The following CMSS1 variants were observed in gnomAD, a reference collection of about 807,000 sequenced individuals.
CMSS1 encodes protein CMSS1.
In CMSS1, 33 loss-of-function variants were observed where a neutral mutation model predicts 43.5. That is an observed-to-expected ratio of 0.76 (90% CI 0.57 to 1.01). The LOEUF is 1.01. CMSS1 is among the 50% of genes least tolerant of loss of function. The pLI is 0.00. For missense variants in CMSS1, 313 were observed against 326.4 expected (o/e 0.96, Z 0.32); for synonymous variants, 115 against 117.2 (o/e 0.98, Z 0.12).
chr3:100,013,987 C>T (rs922355519), intron 1 of CMSS1, among the ~76,000 whole-genome samples: 3 of 152,068 alleles, frequency 2.0e-5, no homozygotes, highest in African/African-American at 7.2e-5. Flanking sequence ...TCCCACTGCC[C>T]CTTGCTCCTG....
chr3:99,849,071 T>C (rs750325993), intron 1 of CMSS1: 2 of 1,614,050 alleles, frequency 1.2e-6, no homozygotes, highest in Non-Finnish European at 1.7e-6. Context: ...TGGCCCTCCT[T>C]GGATTTCATC....
chr3:100,066,657 A>G (rs2065670205), intron 1 of CMSS1, among the ~76,000 whole-genome samples: 1 of 126,408 alleles, frequency 7.9e-6, no homozygotes, highest in Non-Finnish European at 1.7e-5. Context: ...TCAGCCTCCC[A>G]AGTAGCTGGG....
At position 99,924,476 on chromosome 3, in the gene CMSS1, A is replaced by C. The variant is rs1226878532; in HGVS notation, c.64+106433A>C. 2.1e-6 allele frequency: 3 copies of C among 1,445,228 alleles called. No homozygotes were observed. In the East Asian group the frequency reaches 6.8e-5, roughly 33 times the overall value. The allele number at this position is 1,445,228 out of a possible 1,614,324, so 89.5% of individuals were successfully genotyped here. A position where few individuals can be genotyped will look rare whatever the true frequency, so the allele number is the denominator to read the frequency against. On this transcript the variant is annotated intron_variant, in intron 1 of 9. Transcript: ENST00000421999. ...ATACTGTTGTCTTTCACTCTTTTAG[A>C]AATGTCCCTGTTTTGATTAATTCGG...
intron 1 of CMSS1, among the ~76,000 whole-genome samples, chr3:99,990,398 T>C (rs1709477565): frequency 6.6e-6 from 1 of 152,214 alleles, no homozygotes; most frequent in Admixed American, 6.5e-5. Context: ...GAGAGCCCTA[T>C]GCCCTTAGGC....
intron 1 of CMSS1, among the ~76,000 whole-genome samples, chr3:100,139,820 C>G (rs918142060): frequency 2.7e-5 from 4 of 150,116 alleles, no homozygotes; most frequent in Admixed American, 2.7e-4. Context: ...AAAATCCAGC[C>G]AGGACAAGTT....
intron 1 of CMSS1, among the ~76,000 whole-genome samples, chr3:99,938,088 C>T (rs1244840545): frequency 1.3e-5 from 2 of 151,380 alleles, no homozygotes; most frequent in Non-Finnish European, 3.0e-5. Context: ...CGCGCGCGCG[C>T]GCGTGCATGC....
intron 1 of CMSS1, chr3:100,023,371 A>G (rs952395192): frequency 6.6e-6 from 1 of 152,636 alleles, no homozygotes; most frequent in African/African-American, 2.4e-5. Context: ...GATGGCAGCC[A>G]TTGGCACACA....
At chr3:99,952,327 G>C (rs1263419020) in intron 1 of CMSS1, among the ~76,000 whole-genome samples, 1 of 152,144 alleles carries the variant, frequency 6.6e-6, no homozygotes, top group Admixed American at 6.5e-5. Context: ...TTCATAATGA[G>C]CAAATTATCA....
chr3:99,980,421 T>C (rs964956304), intron 1 of CMSS1, among the ~76,000 whole-genome samples: 1 of 152,194 alleles, frequency 6.6e-6, no homozygotes, highest in Non-Finnish European at 1.5e-5. Flanking sequence ...GTTAGGTAAC[T>C]GCCCCATCAA....
intron 1 of CMSS1, among the ~76,000 whole-genome samples, chr3:99,943,279 G>A (rs1051466314): frequency 1.3e-5 from 2 of 152,118 alleles, no homozygotes; most frequent in Admixed American, 6.5e-5. Context: ...GAGGTTTGAA[G>A]ACATTTCCAA....
intron 1 of CMSS1, among the ~76,000 whole-genome samples, chr3:100,016,958 T>C (rs1261777986): frequency 6.6e-6 from 1 of 152,244 alleles, no homozygotes; most frequent in Non-Finnish European, 1.5e-5. Flanking sequence ...TGAATCATTT[T>C]ATATTTACAT....
intron 1 of CMSS1, among the ~76,000 whole-genome samples, chr3:100,141,964 A>G (rs930268969): frequency 4.6e-5 from 7 of 152,136 alleles, no homozygotes; most frequent in African/African-American, 1.7e-4. Flanking sequence ...TTCTTTCAAT[A>G]TTCTCTTAAT....
At chr3:100,139,529 ATGT>A (rs1402146729) in intron 1 of CMSS1, among the ~76,000 whole-genome samples, 2 of 129,296 alleles carry the variant, frequency 1.5e-5, no homozygotes, top group Admixed American at 8.0e-5. Flanking sequence ...TAAAAAAAAA[ATGT>A]GTGTGTGTGT....
chr3:100,141,544 T>A (rs1559769670), intron 1 of CMSS1: 1 of 456,202 alleles, frequency 2.2e-6, no homozygotes, highest in East Asian at 7.0e-5. Context: ...CCTCCCAGTG[T>A]CTTCAAGAGT....
chr3:100,092,609 A>G (rs957948548), intron 1 of CMSS1, among the ~76,000 whole-genome samples: 1 of 149,892 alleles, frequency 6.7e-6, no homozygotes, highest in African/African-American at 2.5e-5. Flanking sequence ...TATGAGGGTT[A>G]AATGAGTCAA....
Position 100,082,864 on chromosome 3 carries a change from C to G in CMSS1, c.65-64109C>G, listed in dbSNP as rs933354068. ...CCTAGTTTGAAGAGATATAATTCAC[C>G]CCTTGGGTTTATTTTGTGAGAATGG... is the stretch of plus-strand genomic sequence containing the variant. On this transcript the variant is annotated intron_variant, in intron 1 of 9. Coordinates refer to ENST00000421999, the MANE Select transcript of CMSS1 (RefSeq NM_032359.4). Among the ~76,000 whole-genome samples the G allele has an allele frequency of 3.9e-5, 6 of 152,070 alleles. No homozygotes were observed. The East Asian group carries it at 9.6e-4, about 24-fold the overall frequency.
chr3:100,136,718 G>A (rs536459036), intron 1 of CMSS1, among the ~76,000 whole-genome samples: 1 of 152,156 alleles, frequency 6.6e-6, no homozygotes, highest in Non-Finnish European at 1.5e-5. Context: ...AAGGAGACAA[G>A]GATAAAGTGA....
chr3:100,090,039 T>G (rs1172344865), intron 1 of CMSS1, among the ~76,000 whole-genome samples: 1 of 152,220 alleles, frequency 6.6e-6, no homozygotes, highest in Non-Finnish European at 1.5e-5. Flanking sequence ...TAGGAGTGCG[T>G]GGAGCCACAG....
chr3:100,038,096 C>G (rs2065141891), intron 1 of CMSS1, among the ~76,000 whole-genome samples: 1 of 151,982 alleles, frequency 6.6e-6, no homozygotes, highest in African/African-American at 2.4e-5. Context: ...GCTGGGATTA[C>G]AGGCACCTGC....
Sources: gnomAD v4.1 joint callset for allele counts (sites outside exome capture counted in the v4.1 genomes callset) on GRCh38, gnomAD v4.1.1 for gene constraint, MANE v1.5 for transcripts, NCBI Gene and HGNC (gene_info 2026-07-23, HGNC 2026-07-21) for gene names.